The following MYO7A variants were observed in gnomAD, a reference collection of about 807,000 sequenced individuals.
The protein encoded by MYO7A is myosin VIIA.
A neutral mutation model predicts 263.8 loss-of-function variants in MYO7A; 210 were observed. The ratio of observed to expected loss-of-function variants is 0.80; its 90% CI spans 0.71 to 0.89. The LOEUF is 0.89. MYO7A is among the 40% of genes least tolerant of loss of function. The pLI, the probability that MYO7A is intolerant of heterozygous loss-of-function variation, is 0.00. For synonymous variants in MYO7A, 1,239 were observed against 1,197.3 expected (o/e 1.03, Z -0.72); for missense variants, 2,820 against 2,968.3 (o/e 0.95, Z 1.16).
chr11:77,193,071 T>TGG (rs1291072253), intron 31 of MYO7A, among the ~76,000 whole-genome samples: 594 of 32,528 alleles, frequency 0.018, 143 homozygotes, highest in Non-Finnish European at 0.027. Context: ...TTGGTGATGG[T>TGG]GGAGGTAGTT....
intron 4 of MYO7A, among the ~76,000 whole-genome samples, chr11:77,149,239 C>A (rs550415775): frequency 5.9e-5 from 9 of 152,180 alleles, no homozygotes; most frequent in Admixed American, 4.6e-4. Flanking sequence ...GAGGGACCCC[C>A]CTGATGCAGG....
At chr11:77,182,229 G>A in intron 24 of MYO7A, 75 bp downstream of exon 24, 1 of 1,567,782 alleles carries the variant, frequency 6.4e-7, no homozygotes, top group South Asian at 1.1e-5. Context: ...GCTGGTGGTG[G>A]CCGTAGGTGA....
intron 2 of MYO7A, 26 bp downstream of exon 2, chr11:77,130,678 G>A: frequency 6.2e-7 from 1 of 1,611,840 alleles, no homozygotes; most frequent in Non-Finnish European, 8.5e-7. Flanking sequence ...TCTTTGGGTG[G>A]CCTGTCCTCC....
chr11:77,160,856 TCACACGGCACTTTGTTCCA>T, intron 11 of MYO7A, 98 bp from the exon 12 acceptor site: 5 of 1,220,890 alleles, frequency 4.1e-6, no homozygotes, highest in Non-Finnish European at 5.8e-6. Context: ...GTTGGGGGTT[TCACACGGCACTTTGTTCCA>T]CACAAGGGCT....
chr11:77,168,806 T>C (rs889182189), intron 15 of MYO7A, among the ~76,000 whole-genome samples: 1 of 151,254 alleles, frequency 6.6e-6, no homozygotes, highest in Non-Finnish European at 1.5e-5. Flanking sequence ...CTCTAAAATT[T>C]AAAAAAAGAA....
chr11:77,152,549 C>T (rs566557358), intron 4 of MYO7A, among the ~76,000 whole-genome samples: 3 of 152,242 alleles, frequency 2.0e-5, no homozygotes, highest in South Asian at 4.2e-4. Flanking sequence ...CCATAATTGG[C>T]AGTGGATGTA....
chr11:77,200,953 G>C (rs2135693315), intron 35 of MYO7A, among the ~76,000 whole-genome samples: 1 of 152,296 alleles, frequency 6.6e-6, no homozygotes, highest in East Asian at 1.9e-4. Flanking sequence ...GTGGGAAGAA[G>C]ACAGTGACAG....
intron 27 of MYO7A, among the ~76,000 whole-genome samples, chr11:77,186,064 A>C (rs983539720): frequency 6.6e-6 from 1 of 151,928 alleles, no homozygotes; most frequent in Non-Finnish European, 1.5e-5. Context: ...CTGGGACTAC[A>C]GGTGCCCACC....
chr11:77,185,928 T>C (rs1271994664), intron 27 of MYO7A, among the ~76,000 whole-genome samples: 2 of 151,550 alleles, frequency 1.3e-5, no homozygotes, highest in African/African-American at 4.8e-5. Flanking sequence ...CATCATTTTT[T>C]TTTTTTTTTT....
At chr11:77,163,737 T>A (rs1429177620) in intron 14 of MYO7A, among the ~76,000 whole-genome samples, 1 of 152,238 alleles carries the variant, frequency 6.6e-6, no homozygotes, top group Admixed American at 6.5e-5. Flanking sequence ...TTCATCCACG[T>A]TGTAGCATGT....
At chr11:77,189,065 C>A (rs1242749648) in intron 27 of MYO7A, among the ~76,000 whole-genome samples, 2 of 152,166 alleles carry the variant, frequency 1.3e-5, no homozygotes, top group Admixed American at 6.5e-5. Flanking sequence ...GGCTGCTGAG[C>A]CCAGAGCAGG....
At chr11:77,131,706 T>C (rs1239204900) in intron 2 of MYO7A, among the ~76,000 whole-genome samples, 3 of 152,210 alleles carry the variant, frequency 2.0e-5, no homozygotes, top group African/African-American at 7.2e-5. Flanking sequence ...CCTCCTCTCC[T>C]GCCCCTCTGA....
At chr11:77,184,256 C>T (rs1955493509) in intron 26 of MYO7A, among the ~76,000 whole-genome samples, 1 of 152,090 alleles carries the variant, frequency 6.6e-6, no homozygotes, top group African/African-American at 2.4e-5. Flanking sequence ...ATAGGGGTCC[C>T]GCTTGGAGTC....
rs956151685 is a variant in MYO7A at position 77,138,531 on chromosome 11, G to A, written c.19-4178G>A. On this transcript the variant is annotated intron_variant, in intron 2 of 48. Coordinates refer to ENST00000409709, the MANE Select transcript of MYO7A (RefSeq NM_000260.4). The surrounding 1 kb of genome is among the most constrained non-coding windows in gnomAD (Gnocchi z 4.9). ...CACAAACAGGGTCGCTAGGCTTCAG[G>A]GTGTGCATGGACTGCGGCCCTAGGA... Among the ~76,000 whole-genome samples the A allele has an allele frequency of 6.6e-6, 1 of 152,254 alleles. No homozygotes were observed. Among genetic ancestry groups the A allele is most frequent in the Admixed American group, 6.5e-5 (1 of 15,286 alleles).
chr11:77,203,169 C>T lies in MYO7A; in HGVS notation c.5278C>T (p.Leu1760Phe), dbSNP rs1042828624. 6 of 1,551,980 alleles carry T rather than the reference C, an allele frequency of 3.9e-6. No homozygotes were observed. Among genetic ancestry groups the T allele is most frequent in the Non-Finnish European group, 5.2e-6 (6 of 1,148,546 alleles). Residue 1760 changes from leucine to phenylalanine, a missense_variant, in exon 38 of 49, where the codon CTC becomes TTC. By Grantham distance (22) the Leu-to-Phe change is conservative. Transcript: ENST00000409709. ...GCTCAAGCAGGCGCTGCTCAAGAAG[C>T]TCCTGGGCAGTGAGGAGCTCTCGCA... is the stretch of plus-strand genomic sequence containing the variant. ...EPLKQALLKK[L>F]LGSEELSQEA...
At chr11:77,197,338 C>T in intron 32 of MYO7A, 143 bp from the exon 33 acceptor site, 1 of 612,250 alleles carries the variant, frequency 1.6e-6, no homozygotes, top group Non-Finnish European at 2.8e-6. Context: ...TGGCTGCAGA[C>T]AGATGGGAGC....
intron 3 of MYO7A, among the ~76,000 whole-genome samples, chr11:77,144,706 T>G (rs1951447000): frequency 6.6e-6 from 1 of 152,134 alleles, no homozygotes; most frequent in African/African-American, 2.4e-5. Context: ...TCCCATCTGG[T>G]TCCCCAGAGT....
At position 77,174,733 on chromosome 11, in the gene MYO7A, G is replaced by A. The variant is rs2276283; in HGVS notation, c.1936-23G>A. ...TCCCAGCAGGAGCCTTGGCCCTGAT[G>A]CCCTTGGCTGTGTGCCTGGCAGCTG... is the stretch of plus-strand genomic sequence containing the variant. On this transcript the variant is annotated intron_variant, in intron 16 of 48. Transcript: ENST00000409709. The A allele has an allele frequency of 0.54, 834,516 of 1,557,772 alleles. 226,220 individuals carry two copies. Among genetic ancestry groups the A allele is most frequent in the Admixed American group, 0.63 (32,879 of 52,496 alleles).
At chr11:77,181,738 G>A in intron 23 of MYO7A, 149 bp downstream of exon 23, 1 of 837,002 alleles carries the variant, frequency 1.2e-6, no homozygotes, top group Non-Finnish European at 1.8e-6. Flanking sequence ...CAGGTCCCAG[G>A]TCCTGTCCCT....
Sources: allele counts gnomAD v4.1 joint callset (sites outside exome capture counted in the v4.1 genomes callset), GRCh38; gene constraint gnomAD v4.1.1; non-coding constraint Gnocchi (gnomAD v3.1); transcripts MANE v1.5; gene names NCBI Gene and HGNC (gene_info 2026-07-23, HGNC 2026-07-21).